Variants in PTPRS observed in about 807,000 individuals in gnomAD.
PTPRS encodes the protein protein tyrosine phosphatase receptor type S.
Under a neutral mutation model 215.3 loss-of-function variants are expected in PTPRS, and 63 were observed. The observed-to-expected ratio is 0.29, with a 90% CI of 0.24 to 0.36. The LOEUF is 0.36. Ranked by LOEUF, PTPRS falls within the 10% of genes least tolerant of loss-of-function variation. The probability of loss-of-function intolerance (pLI) is 1.00; values close to 1 mark genes in which losing one functional copy is unlikely to be tolerated. For missense variants in PTPRS, 2,258 were observed against 2,825.8 expected (o/e 0.80, Z 4.56); for synonymous variants, 1,404 against 1,191.4 (o/e 1.18, Z -3.68).
chr19:5,257,800 C>T lies in PTPRS; in HGVS notation c.706+217G>A, dbSNP rs8100586. On this transcript the variant is annotated intron_variant, in intron 8 of 37. Transcript: ENST00000262963. The surrounding 1 kb of genome is among the most constrained non-coding windows in gnomAD (Gnocchi z 4.4). ...TGCCCACGGGGCATCTCTCGCAAGGCACGAGGAAGGGAATTTAAGCTGCCC... is the reference window on the plus strand; with the variant it reads ...TGCCCACGGGGCATCTCTCGCAAGGTACGAGGAAGGGAATTTAAGCTGCCC... Among the ~76,000 whole-genome samples the T allele has an allele frequency of 1.8e-3, 274 of 152,222 alleles. 1 individual carries two copies. Among genetic ancestry groups the T allele is most frequent in the African/African-American group, 6.4e-3 (267 of 41,560 alleles).
intron 1 of PTPRS, among the ~76,000 whole-genome samples, chr19:5,297,896 A>AGTG (rs1275757124): frequency 6.6e-6 from 1 of 150,724 alleles, no homozygotes; most frequent in Non-Finnish European, 1.5e-5. Flanking sequence ...GGGTTCACAC[A>AGTG]ATTCTCCTGC....
At chr19:5,218,957 C>A (rs2041736918) in intron 23 of PTPRS, 159 bp from the exon 24 acceptor site, 1 of 785,718 alleles carries the variant, frequency 1.3e-6, no homozygotes, top group South Asian at 1.8e-5. Context: ...TCCTGTTTGT[C>A]CCCCTGCCTA....
At position 5,223,051 on chromosome 19, in the gene PTPRS, CCCAGGCCGCCGCGGCT is replaced by C. The variant is rs1174523743; in HGVS notation, c.2725_2740del (p.Ser909AlafsTer8). Reference sequence around the variant, plus strand: ...GCTCAGGACCTCGGCTGCCTCCTCGCCCAGGCCGCCGCGGCTCCGGGCCGCAAGCCGGAACACATAC... The same window carrying C: ...GCTCAGGACCTCGGCTGCCTCCTCGCCCGGGCCGCAAGCCGGAACACATAC... On this transcript the variant is annotated frameshift_variant, in exon 18 of 38. Transcript: ENST00000262963. LOFTEE classifies it high-confidence loss of function. 9 of 1,549,594 alleles carry C rather than the reference CCCAGGCCGCCGCGGCT, an allele frequency of 5.8e-6. No individual in the cohort carries two copies. Among genetic ancestry groups the C allele is most frequent in the Middle Eastern group, 1.7e-4 (1 of 6,008 alleles).
chr19:5,268,304 C>T (rs541664127), intron 4 of PTPRS, among the ~76,000 whole-genome samples: 1 of 152,164 alleles, frequency 6.6e-6, no homozygotes, highest in African/African-American at 2.4e-5. Context: ...GACCGTCCAG[C>T]CTGTAGAGCC....
At chr19:5,263,238 C>T (rs1211283646) in intron 5 of PTPRS, among the ~76,000 whole-genome samples, 1 of 152,144 alleles carries the variant, frequency 6.6e-6, no homozygotes, top group Non-Finnish European at 1.5e-5. Context: ...ACCGCTCCCC[C>T]TGCTTGCAGA....
chr19:5,257,762 C>T lies in PTPRS; in HGVS notation c.706+255G>A, dbSNP rs1212084183. ...CCTTCCTACCCCACCATCACTGCCT[C>T]CCCAGAGCCTGCTGCCCACGGGGCA... On this transcript the variant is annotated intron_variant, in intron 8 of 37. Transcript: ENST00000262963. The surrounding 1 kb of genome is among the most constrained non-coding windows in gnomAD (Gnocchi z 4.4). Among the ~76,000 whole-genome samples, 1 of 152,218 alleles carries T rather than the reference C, an allele frequency of 6.6e-6. No individual in the cohort carries two copies. The highest frequency in any genetic ancestry group is 1.5e-5 in the Non-Finnish European group (1 of 68,040).
Position 5,206,596 on chromosome 19 carries a change from C to T in PTPRS, c.*178G>A. On this transcript the variant is annotated 3_prime_UTR_variant, in exon 38 of 38. Transcript: ENST00000262963. ...GGTGCCAGGGAGGTCGCTGGGGCGG[C>T]CGGGGCCGGTGGGGGGGCTCGAGGG... 1.8e-6 allele frequency: 1 copy of T among 547,920 alleles called. No homozygotes were observed. Among genetic ancestry groups the T allele is most frequent in the Non-Finnish European group, 3.2e-6 (1 of 311,076 alleles). 33.9% of individuals were successfully genotyped at this position (547,920 alleles called of 1,614,324 possible). A position where few individuals can be genotyped will look rare whatever the true frequency, so the allele number is the denominator to read the frequency against.
intron 1 of PTPRS, among the ~76,000 whole-genome samples, chr19:5,298,062 G>T (rs1419458358): frequency 6.6e-6 from 1 of 152,114 alleles, no homozygotes; most frequent in East Asian, 1.9e-4. Flanking sequence ...CCAAAGTGTT[G>T]GGATTACAGG....
chr19:5,228,199 G>C (rs192733804), intron 16 of PTPRS, among the ~76,000 whole-genome samples: 167 of 151,942 alleles, frequency 1.1e-3, no homozygotes, highest in African/African-American at 3.7e-3. Flanking sequence ...GACAGGATCA[G>C]CCAGGACCAG....
At chr19:5,300,625 G>C (rs1348607340) in intron 1 of PTPRS, among the ~76,000 whole-genome samples, 1 of 151,948 alleles carries the variant, frequency 6.6e-6, no homozygotes, top group Non-Finnish European at 1.5e-5. Context: ...ACCAAAATTA[G>C]CCGGGCATGG....
chr19:5,260,660 A>G, intron 7 of PTPRS, 145 bp downstream of exon 7: 1 of 1,087,262 alleles, frequency 9.2e-7, no homozygotes, highest in Non-Finnish European at 1.4e-6. Context: ...AGACGCAGAG[A>G]CCGGACTAAC....
intron 16 of PTPRS, among the ~76,000 whole-genome samples, chr19:5,226,052 C>T (rs916728775): frequency 6.6e-6 from 1 of 152,164 alleles, no homozygotes; most frequent in African/African-American, 2.4e-5. Context: ...AGCCCATTGT[C>T]GCTTGCCAGG....
chr19:5,297,275 A>C (rs1451123198), intron 1 of PTPRS, among the ~76,000 whole-genome samples: 1 of 152,202 alleles, frequency 6.6e-6, no homozygotes, highest in African/African-American at 2.4e-5. Context: ...CTTTTCTTCT[A>C]ATTATAAAAT....
chr19:5,263,919 C>T (rs1477166885), intron 5 of PTPRS, among the ~76,000 whole-genome samples: 5 of 152,198 alleles, frequency 3.3e-5, no homozygotes, highest in African/African-American at 4.8e-5. Context: ...CAGGCCAGGC[C>T]GGCACAGGGA....
chr19:5,277,569 T>G (rs1378827722), intron 2 of PTPRS, among the ~76,000 whole-genome samples: 18 of 149,720 alleles, frequency 1.2e-4, no homozygotes, highest in African/African-American at 4.4e-4. Context: ...GGCAGGAGAA[T>G]GGAGTGAACC....
At chr19:5,297,823 C>T (rs1253292049) in intron 1 of PTPRS, among the ~76,000 whole-genome samples, 2 of 141,924 alleles carry the variant, frequency 1.4e-5, no homozygotes, top group Non-Finnish European at 3.0e-5. Context: ...GACAGAGTCT[C>T]GTTCCATCGC....
At position 5,238,965 on chromosome 19, in the gene PTPRS, G is replaced by T; in HGVS notation, c.1803C>A (p.Gly601=). Residue 601 remains glycine, a synonymous_variant, in exon 13 of 38, where the codon GGC becomes GGA. Coordinates refer to ENST00000262963, the MANE Select transcript of PTPRS (RefSeq NM_002850.4). ...AFRLAARSPQ[G]LGAFTPVVRQ... is the part of the protein sequence containing the mutation. Reference sequence around the variant, plus strand: ...GCACCACGGGGGTGAAGGCGCCCAGGCCCTGCGGCGAGCGGGCCGCCAGGC... The same window carrying T: ...GCACCACGGGGGTGAAGGCGCCCAGTCCCTGCGGCGAGCGGGCCGCCAGGC... The T allele has an allele frequency of 6.2e-7, 1 of 1,612,602 alleles. No individual in the cohort carries two copies. Among genetic ancestry groups the T allele is most frequent in the Non-Finnish European group, 8.5e-7 (1 of 1,179,564 alleles).
At chr19:5,300,783 A>G (rs1347034654) in intron 1 of PTPRS, among the ~76,000 whole-genome samples, 1 of 151,070 alleles carries the variant, frequency 6.6e-6, no homozygotes, top group Non-Finnish European at 1.5e-5. Flanking sequence ...AAAAAAAAAA[A>G]AAGAAAAGAA....
At position 5,208,040 on chromosome 19, in the gene PTPRS, G is replaced by A. The variant is rs1477222866; in HGVS notation, c.5660C>T (p.Thr1887Met). Residue 1887 changes from threonine to methionine, a missense_variant, in exon 37 of 38, where the codon ACG becomes ATG. Physicochemically the swap from Thr to Met is moderately conservative, Grantham distance 81. Coordinates refer to ENST00000262963, the MANE Select transcript of PTPRS (RefSeq NM_002850.4). ...GATGCTAAGCGTGATGAAGACGCCCGTCCTGCCCACGCCGGCACTGGTGGC... is the reference window on the plus strand; with the variant it reads ...GATGCTAAGCGTGATGAAGACGCCCATCCTGCCCACGCCGGCACTGGTGGC... ...SVHCSAGVGR[T>M]GVFITLSIVL... is the part of the protein sequence containing the mutation. The A allele has an allele frequency of 2.5e-6, 4 of 1,612,974 alleles. No homozygotes were observed. The highest frequency in any genetic ancestry group is 1.7e-5 in the Admixed American group (1 of 59,968).
Sources: gnomAD v4.1 joint callset for allele counts (sites outside exome capture counted in the v4.1 genomes callset) on GRCh38, gnomAD v4.1.1 for gene constraint, Gnocchi (gnomAD v3.1) non-coding constraint, MANE v1.5 for transcripts, NCBI Gene and HGNC (gene_info 2026-07-23, HGNC 2026-07-21) for gene names.